FGF14: variants seen among roughly 807,000 people sequenced by gnomAD.
The protein encoded by FGF14 is fibroblast growth factor homologous factor 4.
FGF14 carries 5 observed loss-of-function variants against 25.5 expected under a neutral mutation model. The observed-to-expected ratio is 0.20, with a 90% confidence interval of 0.10 to 0.41. The LOEUF is 0.41. Ranked by LOEUF, FGF14 falls within the 10% of genes least tolerant of loss-of-function variation. The probability of loss-of-function intolerance (pLI) is 1.00; values close to 1 mark genes in which losing one functional copy is unlikely to be tolerated. For missense variants in FGF14, 222 were observed against 320.1 expected (o/e 0.69, Z 2.34); for synonymous variants, 138 against 118.3 (o/e 1.17, Z -1.08).
At chr13:102,389,177 C>G (rs894197298) in intron 1 of FGF14, among the ~76,000 whole-genome samples, 2 of 152,022 alleles carry the variant, frequency 1.3e-5, no homozygotes, top group Admixed American at 1.3e-4. Context: ...ATCTAGTATT[C>G]TCCATACATT....
At chr13:102,154,783 A>T (rs1486276259) in intron 1 of FGF14, among the ~76,000 whole-genome samples, 17 of 152,152 alleles carry the variant, frequency 1.1e-4, no homozygotes, top group Admixed American at 3.3e-4. Context: ...TCTCACATGC[A>T]GACACGCATA....
At chr13:102,315,802 A>G (rs999229533) in intron 1 of FGF14, among the ~76,000 whole-genome samples, 1 of 152,194 alleles carries the variant, frequency 6.6e-6, no homozygotes, top group African/African-American at 2.4e-5. Flanking sequence ...CAAGGCAGTG[A>G]GCCTAACACA....
chr13:102,200,884 T>C lies in FGF14; in HGVS notation c.208+200587A>G, dbSNP rs568696968. The stretch of plus-strand genomic sequence containing the variant: ...TTGGGAGGACAAGGCGGGCGGATCA[T>C]GAGGTCGGGAGATCGAGACCATCTT... On this transcript the variant is annotated intron_variant, in intron 1 of 4. Transcript: ENST00000376131. Among the ~76,000 whole-genome samples, 56 of 152,010 alleles carry C rather than the reference T, an allele frequency of 3.7e-4. No homozygotes were observed. In the South Asian group the frequency reaches 0.011, roughly 30 times the overall value.
At chr13:101,870,418 T>C (rs2044990777) in intron 2 of FGF14, among the ~76,000 whole-genome samples, 1 of 152,192 alleles carries the variant, frequency 6.6e-6, no homozygotes, top group African/African-American at 2.4e-5. Flanking sequence ...CAAGGTACAC[T>C]AACTTAATCA....
rs566480466 is a variant in FGF14, at chr13:102,070,469, T to C, written c.209-195173A>G. Among the ~76,000 whole-genome samples the C allele has an allele frequency of 1.3e-4, 20 of 152,334 alleles. 1 individual carries two copies. The South Asian group carries it at 4.1e-3, about 32-fold the overall frequency. On this transcript the variant is annotated intron_variant, in intron 1 of 4. Transcript: ENST00000376131. Reference sequence around the variant, plus strand: ...ACAACAACCACTGTAGAGAACAGTTTGGAGGTTCCTCAAAAAACTAAAAAT... The same window carrying C: ...ACAACAACCACTGTAGAGAACAGTTCGGAGGTTCCTCAAAAAACTAAAAAT...
intron 1 of FGF14, among the ~76,000 whole-genome samples, chr13:102,291,249 C>A (rs763722324): frequency 6.6e-6 from 1 of 152,186 alleles, no homozygotes; most frequent in Middle Eastern, 3.2e-3. Flanking sequence ...CCTTCATGAA[C>A]CATCATTTAC....
At chr13:102,251,081 GT>G (rs1283954048) in intron 1 of FGF14, among the ~76,000 whole-genome samples, 1 of 152,002 alleles carries the variant, frequency 6.6e-6, no homozygotes, top group East Asian at 1.9e-4. Context: ...ATTACACGAA[GT>G]TTTCATTATA....
intron 1 of FGF14, among the ~76,000 whole-genome samples, chr13:101,945,644 C>T (rs561345542): frequency 6.6e-6 from 1 of 152,294 alleles, no homozygotes; most frequent in South Asian, 2.1e-4. Context: ...CCTCAGCAGC[C>T]TGTTTCCCTT....
intron 1 of FGF14, among the ~76,000 whole-genome samples, chr13:101,946,402 C>A (rs1404295467): frequency 2.7e-5 from 4 of 150,582 alleles, no homozygotes; most frequent in Non-Finnish European, 5.9e-5. Context: ...AGTCCCAAGT[C>A]CCCCTCTAGC....
chr13:101,768,483 C>T (rs1347965977), intron 3 of FGF14, among the ~76,000 whole-genome samples: 5 of 151,986 alleles, frequency 3.3e-5, no homozygotes, highest in African/African-American at 4.8e-5. Flanking sequence ...AAAGTTTACA[C>T]GGAGAGGCAA....
chr13:102,391,264 T>C (rs1000031932), intron 1 of FGF14, among the ~76,000 whole-genome samples: 1 of 152,180 alleles, frequency 6.6e-6, no homozygotes, highest in African/African-American at 2.4e-5. Flanking sequence ...AGCACTTTGC[T>C]ACAACAAAGG....
intron 3 of FGF14, among the ~76,000 whole-genome samples, chr13:101,793,819 T>G (rs374794249): frequency 1.2e-4 from 18 of 152,202 alleles, no homozygotes; most frequent in Admixed American, 4.6e-4. Context: ...AAACCATAAA[T>G]AGGGCTGTTG....
chr13:101,781,207 G>A (rs1051458245), intron 3 of FGF14, among the ~76,000 whole-genome samples: 6 of 152,092 alleles, frequency 3.9e-5, no homozygotes, highest in Non-Finnish European at 5.9e-5. Flanking sequence ...CTGAAATAGA[G>A]CCTTCCCAAA....
chr13:102,388,151 G>A (rs1205872064), intron 1 of FGF14, among the ~76,000 whole-genome samples: 1 of 152,122 alleles, frequency 6.6e-6, no homozygotes, highest in African/African-American at 2.4e-5. Flanking sequence ...ACATCATTTT[G>A]CAGGGAAATA....
intron 1 of FGF14, among the ~76,000 whole-genome samples, chr13:102,355,071 G>A (rs115625604): frequency 2.4e-3 from 372 of 152,200 alleles, no homozygotes; most frequent in African/African-American, 7.8e-3. Flanking sequence ...AAAAAGGTAC[G>A]TCTTTTTCAC....
At chr13:101,728,423 A>G (rs2035584476) in intron 3 of FGF14, among the ~76,000 whole-genome samples, 1 of 152,134 alleles carries the variant, frequency 6.6e-6, no homozygotes, top group Non-Finnish European at 1.5e-5. Context: ...CTGCATCTCC[A>G]TATATCCTCC....
intron 3 of FGF14, among the ~76,000 whole-genome samples, chr13:101,773,768 T>G (rs1030337022): frequency 1.3e-5 from 2 of 150,828 alleles, no homozygotes; most frequent in Non-Finnish European, 2.9e-5. Context: ...GGTCTGTTAA[T>G]TTGGTTTAGA....
At chr13:101,913,388 T>A (rs1249450766) in intron 1 of FGF14, among the ~76,000 whole-genome samples, 1 of 152,114 alleles carries the variant, frequency 6.6e-6, no homozygotes, top group Admixed American at 6.5e-5. Context: ...AGTCAACTGG[T>A]ATAAACATCA....
chr13:102,027,419 C>T (rs1032733701), intron 1 of FGF14, among the ~76,000 whole-genome samples: 1 of 151,800 alleles, frequency 6.6e-6, no homozygotes, highest in Non-Finnish European at 1.5e-5. Context: ...AAGGGGGATA[C>T]ATAAGCAAAT....
Sources: allele counts gnomAD v4.1 joint callset (sites outside exome capture counted in the v4.1 genomes callset), GRCh38; gene constraint gnomAD v4.1.1; transcripts MANE v1.5; gene names NCBI Gene and HGNC (gene_info 2026-07-23, HGNC 2026-07-21).